RAD52: variants seen among roughly 807,000 people sequenced by gnomAD.
RAD52 encodes the protein RAD52 DNA repair protein, also known as DNA repair protein RAD52 homolog.
Under a neutral mutation model 55.5 loss-of-function variants are expected in RAD52, and 47 were observed. That is an observed-to-expected ratio of 0.85 (90% CI 0.67 to 1.08). The LOEUF (loss-of-function observed/expected upper bound fraction) is 1.08. Ranked by LOEUF, RAD52 falls within the 50% of genes least tolerant of loss-of-function variation. The pLI is 0.00. For missense variants in RAD52, 468 were observed against 522.8 expected, an observed-to-expected ratio of 0.90 and a Z score of 1.02; for synonymous variants, 184 against 198.9, an observed-to-expected ratio of 0.92 and a Z score of 0.63.
At chr12:929,915 G>T in intron 4 of RAD52, 29 bp from the exon 5 acceptor site, 1 of 1,602,148 alleles carries the variant, frequency 6.2e-7, no homozygotes, top group Non-Finnish European at 8.6e-7. Context: ...GCAAGTTGAA[G>T]AGGACACTGA....
At chr12:987,157 G>A (rs1565718547) in intron 1 of RAD52, among the ~76,000 whole-genome samples, 1 of 151,848 alleles carries the variant, frequency 6.6e-6, no homozygotes, top group Non-Finnish European at 1.5e-5. Context: ...TTTTAGTAGA[G>A]ACGAGGTTTC....
At chr12:979,337 A>T (rs956884903) in intron 1 of RAD52, among the ~76,000 whole-genome samples, 2 of 152,092 alleles carry the variant, frequency 1.3e-5, no homozygotes, top group African/African-American at 4.8e-5. Context: ...GCTACTTGGG[A>T]GGCTGAGGCA....
chr12:919,366 A>C (rs556977216), intron 7 of RAD52, among the ~76,000 whole-genome samples: 3 of 152,156 alleles, frequency 2.0e-5, no homozygotes, highest in African/African-American at 7.2e-5. Flanking sequence ...GAATCGCTTG[A>C]ACCCACGAGG....
upstream of RAD52, chr12:949,858 G>A (rs1179225587): frequency 4.6e-5 from 7 of 152,354 alleles, no homozygotes; most frequent in Admixed American, 4.6e-4. Context: ...TGGAGGCGCG[G>A]TGCTGGCTTT....
chr12:923,068 G>C (rs751518355), intron 7 of RAD52, among the ~76,000 whole-genome samples: 23 of 151,932 alleles, frequency 1.5e-4, no homozygotes, highest in Non-Finnish European at 3.1e-4. Context: ...ATGTTGGCCA[G>C]GGTGGTCTCA....
chr12:926,932 C>A (rs941683534), intron 6 of RAD52: 3 of 1,537,786 alleles, frequency 2.0e-6, no homozygotes, highest in African/African-American at 2.7e-5. Context: ...ACCACTTACT[C>A]CCAGCAAGGG....
rs796786546 is a variant in RAD52 at position 945,442 on chromosome 12, C to CT, written c.-19+4159dup. Among the ~76,000 whole-genome samples, 225 of 146,344 alleles carry CT rather than the reference C, an allele frequency of 1.5e-3. 1 individual carries two copies. The highest frequency in any genetic ancestry group is 7.2e-3 in the Middle Eastern group (2 of 278). On this transcript the variant is annotated intron_variant, in intron 1 of 11. Coordinates refer to ENST00000358495, the MANE Select transcript of RAD52 (RefSeq NM_134424.4). ...CAGCTCACCACACTCTGAAGTATGTCTTTTTTTTTTTGAGGGGGAGACACT... is the reference window on the plus strand; with the variant it reads ...CAGCTCACCACACTCTGAAGTATGTCTTTTTTTTTTTTGAGGGGGAGACACT...
intron 2 of RAD52, among the ~76,000 whole-genome samples, 165 bp from the exon 3 acceptor site, chr12:931,486 GGCATGCAT>G (rs1426904601): frequency 6.6e-6 from 1 of 152,090 alleles, no homozygotes; most frequent in African/African-American, 2.4e-5. Flanking sequence ...AAACTTTTAA[GGCATGCAT>G]GCCATTAGGC....
At chr12:915,004 G>A (rs1192090978) in intron 9 of RAD52, among the ~76,000 whole-genome samples, 2 of 152,188 alleles carry the variant, frequency 1.3e-5, no homozygotes, top group African/African-American at 2.4e-5. Flanking sequence ...GTGGTAGCAT[G>A]CACTTGTAGT....
intron 1 of RAD52, among the ~76,000 whole-genome samples, chr12:983,110 G>A (rs1457940177): frequency 6.6e-6 from 1 of 151,836 alleles, no homozygotes; most frequent in Non-Finnish European, 1.5e-5. Flanking sequence ...TCAGCCTCCC[G>A]AAGTGCTGAG....
intron 6 of RAD52, 23 bp downstream of exon 6, chr12:927,122 T>C: frequency 6.2e-7 from 1 of 1,600,140 alleles, no homozygotes; most frequent in Non-Finnish European, 8.6e-7. Context: ...TGACGCAGGT[T>C]AGACTCCCAG....
chr12:979,711 T>C (rs1958985158), intron 1 of RAD52, among the ~76,000 whole-genome samples: 1 of 152,040 alleles, frequency 6.6e-6, no homozygotes, highest in African/African-American at 2.4e-5. Flanking sequence ...TGTGAGAAAA[T>C]AAATTTCTGT....
At chr12:971,776 G>A (rs984127616) in intron 1 of RAD52, among the ~76,000 whole-genome samples, 1 of 151,828 alleles carries the variant, frequency 6.6e-6, no homozygotes, top group African/African-American at 2.4e-5. Flanking sequence ...TTGAGACGGA[G>A]TCTCGCTGTC....
chr12:934,460 CAAAAAAA>C (rs10611406), intron 1 of RAD52, among the ~76,000 whole-genome samples: 14 of 128,796 alleles, frequency 1.1e-4, no homozygotes, highest in Admixed American at 1.6e-4. Context: ...GACTCCATCT[CAAAAAAA>C]AAAAAAAAAA....
intron 7 of RAD52, 92 bp from the exon 8 acceptor site, chr12:916,912 G>T: frequency 6.6e-7 from 1 of 1,507,498 alleles, no homozygotes; most frequent in East Asian, 2.3e-5. Context: ...CTGGAAAATC[G>T]CATTTGACAT....
intron 1 of RAD52, among the ~76,000 whole-genome samples, chr12:940,840 C>T (rs1343172064): frequency 2.0e-5 from 3 of 151,108 alleles, no homozygotes; most frequent in Non-Finnish European, 2.9e-5. Context: ...CTCCTGCTCA[C>T]GAAATGCAAA....
At chr12:980,807 G>C (rs1367722492) in intron 1 of RAD52, among the ~76,000 whole-genome samples, 1 of 152,014 alleles carries the variant, frequency 6.6e-6, no homozygotes, top group Admixed American at 6.6e-5. Context: ...GTATTACTTG[G>C]CTAGGGCTGC....
At chr12:970,318 C>CA (rs4017793) in intron 1 of RAD52, among the ~76,000 whole-genome samples, 11,228 of 67,120 alleles carry the variant, frequency 0.17, 1,423 homozygotes, top group South Asian at 0.25. Context: ...GACATCATCT[C>CA]AAAAAAAAAA....
At chr12:988,056 T>C (rs1429118898) in intron 1 of RAD52, among the ~76,000 whole-genome samples, 2 of 152,154 alleles carry the variant, frequency 1.3e-5, no homozygotes, top group African/African-American at 4.8e-5. Context: ...CACTGCTCCG[T>C]TGACCTCCCA....
Sources: gnomAD v4.1 joint callset for allele counts (sites outside exome capture counted in the v4.1 genomes callset) on GRCh38, gnomAD v4.1.1 for gene constraint, MANE v1.5 for transcripts, NCBI Gene and HGNC (gene_info 2026-07-23, HGNC 2026-07-21) for gene names.